ATP8A2: variants seen among roughly 807,000 people sequenced by gnomAD.
ATP8A2 encodes phospholipid-transporting ATPase IB.
ATP8A2 carries 100 observed loss-of-function variants against 165.6 expected under a neutral mutation model. The ratio of observed to expected loss-of-function variants is 0.60; its 90% CI spans 0.51 to 0.71. The LOEUF (loss-of-function observed/expected upper bound fraction) is 0.71, where lower values mean the gene tolerates loss of function less well. Among genes scored for constraint, ATP8A2 ranks in the 30% least tolerant of loss-of-function variants. ATP8A2 has a pLI of 0.00. For missense variants in ATP8A2, 1,227 were observed against 1,479.5 expected (o/e 0.83, Z 2.80); for synonymous variants, 543 against 548.8 (o/e 0.99, Z 0.15).
intron 2 of ATP8A2, among the ~76,000 whole-genome samples, chr13:25,471,353 GT>G (rs1295573875): frequency 5.5e-4 from 79 of 143,802 alleles, no homozygotes; most frequent in Middle Eastern, 3.7e-3. Context: ...GGAAGGTAAA[GT>G]TTTTTTTTTT....
At chr13:25,484,115 T>C (rs1036473968) in intron 2 of ATP8A2, among the ~76,000 whole-genome samples, 1 of 152,180 alleles carries the variant, frequency 6.6e-6, no homozygotes, top group Non-Finnish European at 1.5e-5. Flanking sequence ...TAAAATGTGT[T>C]TGAGAGTGCA....
Position 25,862,367 on chromosome 13 carries a change from A to G in ATP8A2, c.3142A>G (p.Ile1048Val), listed in dbSNP as rs757157069. The G allele has an allele frequency of 3.1e-6, 5 of 1,614,026 alleles. No individual in the cohort carries two copies. The South Asian group carries it at 4.4e-5, about 14-fold the overall frequency. ...WLVFFGIYST[I>V]WPTIPIAPDM... ...GGTGTTTTTTGGCATCTACTCGACC[A>G]TCTGGCCCACCATTCCCATTGCTCC... The change falls in exon 33 of 37, where the codon ATC (isoleucine) becomes GTC (valine). Residue 1048 changes from isoleucine (I) to valine (V), a missense_variant. By Grantham distance (29) the Ile-to-Val change is conservative. Transcript: ENST00000381655.
At chr13:25,619,238 G>A (rs1265112658) in intron 24 of ATP8A2, among the ~76,000 whole-genome samples, 1 of 152,106 alleles carries the variant, frequency 6.6e-6, no homozygotes, top group Non-Finnish European at 1.5e-5. Context: ...GGGCACACCT[G>A]CAGGGTAAGG....
chr13:25,944,261 C>T (rs191807204), intron 33 of ATP8A2, among the ~76,000 whole-genome samples: 99 of 152,338 alleles, frequency 6.5e-4, no homozygotes, highest in Admixed American at 9.8e-4. Context: ...AATCCCAGCA[C>T]TTTGGGAGGC....
intron 1 of ATP8A2, among the ~76,000 whole-genome samples, chr13:25,383,190 C>T (rs55945569): frequency 0.23 from 34,912 of 151,306 alleles, 4,224 homozygotes; most frequent in Admixed American, 0.26. Context: ...GGACTACAGG[C>T]GTGCACCACC....
chr13:25,558,311 A>G (rs1273973395), intron 13 of ATP8A2, among the ~76,000 whole-genome samples: 1 of 152,232 alleles, frequency 6.6e-6, no homozygotes, highest in African/African-American at 2.4e-5. Flanking sequence ...TACTGCATGT[A>G]AAAACTTGTT....
chr13:25,733,582 A>T (rs2043702315), intron 25 of ATP8A2, among the ~76,000 whole-genome samples: 1 of 152,096 alleles, frequency 6.6e-6, no homozygotes, highest in Non-Finnish European at 1.5e-5. Flanking sequence ...TTTGCCTTTT[A>T]ATTTTAGTCA....
At chr13:25,644,551 G>A (rs1342856529) in intron 24 of ATP8A2, among the ~76,000 whole-genome samples, 1 of 146,088 alleles carries the variant, frequency 6.8e-6, no homozygotes, top group Non-Finnish European at 1.5e-5. Flanking sequence ...TTTGGTTTTT[G>A]CATCAGAGTA....
At chr13:25,925,827 A>G (rs748358693) in intron 33 of ATP8A2, among the ~76,000 whole-genome samples, 1 of 151,564 alleles carries the variant, frequency 6.6e-6, no homozygotes, top group African/African-American at 2.4e-5. Flanking sequence ...TCTCAGGTTC[A>G]AGCAATTCTC....
chr13:25,976,576 CA>C (rs1284948657), intron 35 of ATP8A2, among the ~76,000 whole-genome samples: 1 of 142,494 alleles, frequency 7.0e-6, no homozygotes, highest in Non-Finnish European at 1.6e-5. Context: ...AAAAGGGTCA[CA>C]GTCTGCTGTC....
At chr13:25,771,027 C>T (rs1407177582) in intron 26 of ATP8A2, among the ~76,000 whole-genome samples, 1 of 152,242 alleles carries the variant, frequency 6.6e-6, no homozygotes, top group Non-Finnish European at 1.5e-5. Flanking sequence ...TCTCAGGTTT[C>T]TTCTCAGCTC....
intron 28 of ATP8A2, among the ~76,000 whole-genome samples, 172 bp downstream of exon 28, chr13:25,828,364 A>T (rs1397936853): frequency 1.3e-5 from 2 of 152,152 alleles, no homozygotes; most frequent in African/African-American, 4.8e-5. Context: ...CAGAAGCCCA[A>T]ACTCTCCACA....
chr13:25,961,074 C>T (rs1239079164), intron 33 of ATP8A2, among the ~76,000 whole-genome samples: 1 of 152,194 alleles, frequency 6.6e-6, no homozygotes. Flanking sequence ...TATTTAATCT[C>T]CTGAAGGCAA....
intron 27 of ATP8A2, among the ~76,000 whole-genome samples, chr13:25,775,830 A>G (rs2044729317): frequency 6.6e-6 from 1 of 152,234 alleles, no homozygotes; most frequent in Non-Finnish European, 1.5e-5. Context: ...TAAGCAAGGA[A>G]GAAATCAACT....
intron 33 of ATP8A2, among the ~76,000 whole-genome samples, chr13:25,906,691 T>C (rs1420586711): frequency 2.0e-5 from 3 of 152,190 alleles, no homozygotes; most frequent in Non-Finnish European, 4.4e-5. Flanking sequence ...ACTATTGAGA[T>C]GACAGAATGA....
At chr13:25,721,193 G>T (rs1187200377) in intron 25 of ATP8A2, among the ~76,000 whole-genome samples, 1 of 151,240 alleles carries the variant, frequency 6.6e-6, no homozygotes, top group East Asian at 1.9e-4. Context: ...TCAAACTCCT[G>T]ACTTCAAGTG....
At chr13:26,004,646 G>T (rs1239336023) in intron 35 of ATP8A2, among the ~76,000 whole-genome samples, 1 of 152,010 alleles carries the variant, frequency 6.6e-6, no homozygotes, top group Non-Finnish European at 1.5e-5. Context: ...CTATGGGTTT[G>T]TCATATATCC....
intron 30 of ATP8A2, among the ~76,000 whole-genome samples, chr13:25,857,427 T>C (rs923070776): frequency 2.6e-5 from 4 of 152,082 alleles, no homozygotes; most frequent in African/African-American, 9.7e-5. Flanking sequence ...CAGGCTGGAG[T>C]GCACTGTTGC....
rs556923131 is a variant in ATP8A2, at chr13:25,994,243, A to AAT, written c.3378-18276_3378-18275dup. Reference sequence around the variant, plus strand: ...ACTAGGAGTTTTATATCTATACATAAATATATATATATACATATTTATGTG... The same window carrying AAT: ...ACTAGGAGTTTTATATCTATACATAAATATATATATATATACATATTTATGTG... On this transcript the variant is annotated intron_variant, in intron 35 of 36. Transcript: ENST00000381655. 3.3e-3 allele frequency among the ~76,000 whole-genome samples: 495 copies of AAT among 151,572 alleles called. 7 individuals are homozygous for AAT. The highest frequency in any genetic ancestry group is 0.011 in the African/African-American group (467 of 41,396).
Sources: allele counts gnomAD v4.1 joint callset (sites outside exome capture counted in the v4.1 genomes callset), GRCh38; gene constraint gnomAD v4.1.1; transcripts MANE v1.5; gene names NCBI Gene and HGNC (gene_info 2026-07-23, HGNC 2026-07-21).